LMLN: variants seen among roughly 807,000 people sequenced by gnomAD.
LMLN encodes leishmanolysin like peptidase.
A neutral mutation model predicts 92.3 loss-of-function variants in LMLN; 70 were observed. The observed-to-expected ratio is 0.76, with a 90% CI of 0.63 to 0.92. LMLN has a LOEUF of 0.92. LMLN is among the 40% of genes least tolerant of loss of function. The pLI, the probability that LMLN is intolerant of heterozygous loss-of-function variation, is 0.00. For missense variants in LMLN, 691 were observed against 814.6 expected, an observed-to-expected ratio of 0.85 and a Z score of 1.85; for synonymous variants, 308 against 296.2, an observed-to-expected ratio of 1.04 and a Z score of -0.41.
intron 10 of LMLN, among the ~76,000 whole-genome samples, chr3:197,997,408 C>T (rs1457609145): frequency 6.6e-6 from 1 of 152,148 alleles, no homozygotes; most frequent in African/African-American, 2.4e-5. Flanking sequence ...TGTGGGGTTA[C>T]GGGCATGCAT....
chr3:198,027,892 C>A (rs1384466896), intron 14 of LMLN, among the ~76,000 whole-genome samples: 1 of 152,070 alleles, frequency 6.6e-6, no homozygotes, highest in African/African-American at 2.4e-5. Flanking sequence ...TATCATATGG[C>A]AATTCTATGT....
In LMLN at chr3:198,013,356, C is replaced by A. The variant is rs370046909; in HGVS notation, c.1233-5897C>A. On this transcript the variant is annotated intron_variant, in intron 11 of 15. Coordinates refer to ENST00000330198, the Ensembl canonical transcript of LMLN. ...CAACTAGTCTGACTTCTCTCCACCC[C>A]TCAGAGCCCCCTAACTAGTCTGACT... is the stretch of plus-strand genomic sequence containing the variant. Among the ~76,000 whole-genome samples the A allele has an allele frequency of 6.1e-5, 3 of 49,448 alleles. No individual in the cohort carries two copies. The East Asian group carries it at 1.6e-3, about 26-fold the overall frequency. 32.4% of individuals were successfully genotyped at this position (49,448 alleles called of 152,430 possible). A position where few individuals can be genotyped will look rare whatever the true frequency, so the allele number is the denominator to read the frequency against.
Position 198,025,654 on chromosome 3 carries a change from G to A in LMLN, c.1656+866G>A, listed in dbSNP as rs1486762398. On this transcript the variant is annotated intron_variant, in intron 14 of 15. Coordinates refer to ENST00000330198, the Ensembl canonical transcript of LMLN. This position sits in a 1 kb window ranked among gnomAD's most constrained non-coding sequence, Gnocchi z 4.3. ...CAAAGTACTGGGATTATAGATGGCG[G>A]CCACCATGCCTCGCCTACTATTTCC... 9.9e-5 allele frequency among the ~76,000 whole-genome samples: 15 copies of A among 152,276 alleles called. No individual in the cohort carries two copies. The East Asian group carries it at 1.9e-3, about 20-fold the overall frequency.
At chr3:197,980,887 C>CCAGAG in intron 6 of LMLN, 1 of 174,152 alleles carries the variant, frequency 5.7e-6, no homozygotes, top group Non-Finnish European at 1.2e-5. Context: ...GGGAGGATCA[C>CCAGAG]GTCAGCCCAG....
At chr3:198,009,887 G>C (rs558576252) in intron 11 of LMLN, among the ~76,000 whole-genome samples, 3 of 152,160 alleles carry the variant, frequency 2.0e-5, no homozygotes, top group African/African-American at 7.2e-5. Context: ...TTTGATATAG[G>C]CATACACTGT....
chr3:197,962,517 A>G (rs1250228710), intron 1 of LMLN, among the ~76,000 whole-genome samples: 2 of 152,226 alleles, frequency 1.3e-5, no homozygotes, highest in African/African-American at 4.8e-5. Context: ...TTACTGGGTC[A>G]AGGGTAGGTG....
chr3:198,035,438 C>T (rs904391041), intron 14 of LMLN, among the ~76,000 whole-genome samples: 3 of 147,604 alleles, frequency 2.0e-5, no homozygotes, highest in African/African-American at 7.6e-5. Context: ...TCTCGGCTCA[C>T]TGCAACCTCT....
At chr3:197,969,170 C>CTCCTGA (rs1024729245) in intron 1 of LMLN, among the ~76,000 whole-genome samples, 1 of 151,930 alleles carries the variant, frequency 6.6e-6, no homozygotes, top group Admixed American at 6.6e-5. Context: ...CAGCCTTGAA[C>CTCCTGA]TCCTGAGCTC....
At chr3:197,967,023 T>A (rs1438843976) in intron 1 of LMLN, among the ~76,000 whole-genome samples, 1 of 152,194 alleles carries the variant, frequency 6.6e-6, no homozygotes, top group East Asian at 1.9e-4. Flanking sequence ...CTGGAGCCAC[T>A]GGGCCCAAGG....
In LMLN at chr3:198,019,522, ATAAT is replaced by A; in HGVS notation, c.1365+138_1365+141del. On this transcript the variant is annotated intron_variant, in intron 12 of 15. Coordinates refer to ENST00000330198, the Ensembl canonical transcript of LMLN. The surrounding 1 kb of genome is among the most constrained non-coding windows in gnomAD (Gnocchi z 5.5). ...TTTCTGTAAGTTAGAAAAAAATGGA[ATAAT>A]GCTTCCATTTCTTTAAAACTAATGT... 2 of 826,274 alleles carry A rather than the reference ATAAT, an allele frequency of 2.4e-6. No individual in the cohort carries two copies. Among genetic ancestry groups the A allele is most frequent in the Non-Finnish European group, 3.6e-6 (2 of 553,602 alleles). 51.2% of individuals were successfully genotyped at this position (826,274 alleles called of 1,614,324 possible). A position where few individuals can be genotyped will look rare whatever the true frequency, so the allele number is the denominator to read the frequency against.
intron 1 of LMLN, among the ~76,000 whole-genome samples, chr3:197,967,620 A>G (rs1721094341): frequency 6.6e-6 from 1 of 152,338 alleles, no homozygotes; most frequent in Middle Eastern, 3.4e-3. Context: ...CAGTGCACGT[A>G]TTGTCTTGAT....
intron 11 of LMLN, among the ~76,000 whole-genome samples, chr3:198,000,008 G>GT (rs1188428262): frequency 2.0e-5 from 3 of 152,162 alleles, no homozygotes; most frequent in Non-Finnish European, 2.9e-5. Context: ...TAAATGACTG[G>GT]TTTTTTATAA....
At chr3:198,027,868 C>T (rs1465174144) in intron 14 of LMLN, among the ~76,000 whole-genome samples, 1 of 152,168 alleles carries the variant, frequency 6.6e-6, no homozygotes, top group Admixed American at 6.5e-5. Flanking sequence ...GTCTACTCAG[C>T]AGTAGAATTG....
chr3:198,018,478 T>C lies in LMLN; in HGVS notation c.1233-775T>C, dbSNP rs139905703. Among the ~76,000 whole-genome samples, 874 of 152,312 alleles carry C rather than the reference T, an allele frequency of 5.7e-3. 8 individuals are homozygous for C. Among genetic ancestry groups the C allele is most frequent in the African/African-American group, 0.02 (814 of 41,574 alleles). On this transcript the variant is annotated intron_variant, in intron 11 of 15. Transcript: ENST00000330198. Reference sequence around the variant, plus strand: ...AGACCTGTGTGACGACTTCAAAGCCTTTGCTTTCCTGTTAGGCTGTGCTGC... The same window carrying C: ...AGACCTGTGTGACGACTTCAAAGCCCTTGCTTTCCTGTTAGGCTGTGCTGC...
chr3:197,989,767 A>G (rs1025431668), intron 8 of LMLN, among the ~76,000 whole-genome samples: 4 of 152,238 alleles, frequency 2.6e-5, no homozygotes, highest in Admixed American at 2.6e-4. Context: ...CACGCCTGTA[A>G]TCCCAGAGCT....
At chr3:197,969,181 A>G (rs1204680780) in intron 1 of LMLN, among the ~76,000 whole-genome samples, 1 of 151,996 alleles carries the variant, frequency 6.6e-6, no homozygotes. Context: ...TCCTGAGCTC[A>G]AGCAATCCTC....
In LMLN at chr3:198,019,843, C is replaced by T. The variant is rs1722733268; in HGVS notation, c.1365+458C>T. Among the ~76,000 whole-genome samples the T allele has an allele frequency of 6.6e-6, 1 of 152,076 alleles. No homozygotes were observed. The highest frequency in any genetic ancestry group is 2.4e-5 in the African/African-American group (1 of 41,428). On this transcript the variant is annotated intron_variant, in intron 12 of 15. Coordinates refer to ENST00000330198, the Ensembl canonical transcript of LMLN. The surrounding 1 kb of genome is among the most constrained non-coding windows in gnomAD (Gnocchi z 5.5). ...TATCTTGTCTGGATCTCTGATTTGA[C>T]CTTTATGTTTCTTTTTATCTTTTAT... is the stretch of plus-strand genomic sequence containing the variant.
chr3:198,028,252 T>C (rs541008732), intron 14 of LMLN, among the ~76,000 whole-genome samples: 4 of 152,160 alleles, frequency 2.6e-5, no homozygotes, highest in Non-Finnish European at 4.4e-5. Context: ...GGGTTCACTC[T>C]GGGTGTTTCG....
At chr3:197,993,844 G>C (rs1721946668) in intron 9 of LMLN, among the ~76,000 whole-genome samples, 1 of 152,140 alleles carries the variant, frequency 6.6e-6, no homozygotes, top group Non-Finnish European at 1.5e-5. Context: ...CTCCAGCTTT[G>C]CAGTATTTCA....
Sources: gnomAD v4.1 joint callset for allele counts (sites outside exome capture counted in the v4.1 genomes callset) on GRCh38, gnomAD v4.1.1 for gene constraint, Gnocchi (gnomAD v3.1) non-coding constraint, MANE v1.5 for transcripts, NCBI Gene and HGNC (gene_info 2026-07-23, HGNC 2026-07-21) for gene names.